Variants in MAFK observed in about 807,000 individuals in gnomAD.
MAFK encodes the protein MAF bZIP transcription factor K.
Under a neutral mutation model 9.2 loss-of-function variants are expected in MAFK, and 1 was observed. The observed-to-expected ratio is 0.11, with a 90% confidence interval of 0.04 to 0.52. MAFK has a LOEUF of 0.52. MAFK is among the 20% of genes least tolerant of loss of function. MAFK has a pLI of 0.94. For synonymous variants in MAFK, 110 were observed against 107.4 expected, an observed-to-expected ratio of 1.02 and a Z score of -0.15; for missense variants, 207 against 236.0, an observed-to-expected ratio of 0.88 and a Z score of 0.81.
At position 1,541,901 on chromosome 7, in the gene MAFK, G is replaced by A. The variant is rs1784201822; in HGVS notation, c.*1526G>A. The A allele has an allele frequency of 1.3e-5, 2 of 152,548 alleles. No homozygotes were observed. Among genetic ancestry groups the A allele is most frequent in the South Asian group, 2.1e-4 (1 of 4,838 alleles). 9.4% of individuals were successfully genotyped at this position (152,548 alleles called of 1,614,324 possible). ...GAATGTGAGCCGCCGGCCGGGGGCCGCCACATAAGACCTGCAAGGTGGTGC... is the reference window on the plus strand; with the variant it reads ...GAATGTGAGCCGCCGGCCGGGGGCCACCACATAAGACCTGCAAGGTGGTGC... On this transcript the variant is annotated 3_prime_UTR_variant, in exon 3 of 3. Coordinates refer to ENST00000343242, the MANE Select transcript of MAFK (RefSeq NM_002360.4).
chr7:1,539,827 G>A, intron 2 of MAFK, 114 bp from the exon 3 acceptor site: 1 of 939,112 alleles, frequency 1.1e-6, no homozygotes, highest in Non-Finnish European at 1.5e-6. Context: ...GCGAAGGCCA[G>A]CCCTGAGAGC....
Position 1,539,188 on chromosome 7 carries a change from G to A in MAFK, c.-5G>A, listed in dbSNP as rs541149262. The A allele has an allele frequency of 9.7e-4, 1,564 of 1,612,614 alleles. 24 individuals are homozygous for A. In the South Asian group the frequency reaches 0.016, roughly 16 times the overall value. On this transcript the variant is annotated 5_prime_UTR_variant, in exon 2 of 3. Coordinates refer to ENST00000343242, the MANE Select transcript of MAFK (RefSeq NM_002360.4). ...GAGCTCTGTCCTGGTGACCGTGCCC[G>A]GGTTATGACGACTAATCCCAAACCG...
At chr7:1,538,344 C>A in intron 1 of MAFK, 3 of 983,714 alleles carry the variant, frequency 3.0e-6, no homozygotes, top group Non-Finnish European at 3.6e-6. Flanking sequence ...CTGGCTGCGG[C>A]CCCCGGACCT....
In MAFK at chr7:1,540,652, G is replaced by C. The variant is rs891717407; in HGVS notation, c.*277G>C. 1 of 460,514 alleles carries C rather than the reference G, an allele frequency of 2.2e-6. No individual in the cohort carries two copies. The highest frequency in any genetic ancestry group is 3.9e-5 in the East Asian group (1 of 25,640). The allele number at this position is 460,514 out of a possible 1,614,324, so 28.5% of individuals were successfully genotyped here. On this transcript the variant is annotated 3_prime_UTR_variant, in exon 3 of 3. Coordinates refer to ENST00000343242, the MANE Select transcript of MAFK (RefSeq NM_002360.4). ...GTGTGGGAATTGGTATCTTGCACCC[G>C]TGGGAGTCGGGACATATAATGGAAA...
Position 1,538,936 on chromosome 7 carries a change from C to T in MAFK, c.-44-213C>T, listed in dbSNP as rs142042222. On this transcript the variant is annotated intron_variant, in intron 1 of 2. Transcript: ENST00000343242. ...AGGTGCAGCCAGACCTTTCCCTGAA[C>T]CCTCAGGCAGGGACAGAGGCCGGGC... 648 of 512,618 alleles carry T rather than the reference C, an allele frequency of 1.3e-3. 3 individuals are homozygous for T. The highest frequency in any genetic ancestry group is 1.8e-3 in the Non-Finnish European group (518 of 289,110). The allele number at this position is 512,618 out of a possible 1,614,324, so 31.8% of individuals were successfully genotyped here. A position where few individuals can be genotyped will look rare whatever the true frequency, so the allele number is the denominator to read the frequency against.
In MAFK at chr7:1,540,998, G is replaced by A. The variant is rs1048894473; in HGVS notation, c.*623G>A. ...CACGGTGTGGGAGGTCGCCTGCGTG[G>A]GGTGGTGTCTGTGTGTGTGCACGCA... is the stretch of plus-strand genomic sequence containing the variant. On this transcript the variant is annotated 3_prime_UTR_variant, in exon 3 of 3. Coordinates refer to ENST00000343242, the MANE Select transcript of MAFK (RefSeq NM_002360.4). The A allele has an allele frequency of 6.5e-6, 1 of 154,144 alleles. No individual in the cohort carries two copies. The highest frequency in any genetic ancestry group is 2.4e-5 in the African/African-American group (1 of 41,482). The allele number at this position is 154,144 out of a possible 1,614,324, so 9.5% of individuals were successfully genotyped here. A position where few individuals can be genotyped will look rare whatever the true frequency, so the allele number is the denominator to read the frequency against.
Position 1,539,947 on chromosome 7 carries a change from A to T in MAFK, c.43A>T (p.Lys15Ter). 6.5e-7 allele frequency: 1 copy of T among 1,528,240 alleles called. No homozygotes were observed. Among genetic ancestry groups the T allele is most frequent in the Non-Finnish European group, 8.8e-7 (1 of 1,132,876 alleles). 94.7% of individuals were successfully genotyped at this position (1,528,240 alleles called of 1,614,324 possible). Residue 15 changes from lysine (K) to a stop codon, truncating the protein, a stop_gained, in exon 3 of 3, where the codon AAG (lysine) becomes TAG (stop). Transcript: ENST00000343242. LOFTEE classifies it high-confidence loss of function. ...CCGCACTGTGGCCCCCCAGGTCAAG[A>T]AGGAGGCGGGCGAGAACGCCCCGGT... The part of the protein sequence containing the change: ...PKPNKALKVK[K>*]EAGENAPVLS...
At position 1,540,591 on chromosome 7, in the gene MAFK, C is replaced by CT; in HGVS notation, c.*216_*217insT. ...CTGCACGCCGGTCCACAGACACACT[C>CT]ACGCCCGCCACCTGCTCCCCGCAGG... On this transcript the variant is annotated 3_prime_UTR_variant, in exon 3 of 3. Coordinates refer to ENST00000343242, the MANE Select transcript of MAFK (RefSeq NM_002360.4). The CT allele has an allele frequency of 1.8e-6, 1 of 551,212 alleles. No individual in the cohort carries two copies. The highest frequency in any genetic ancestry group is 3.6e-5 in the Admixed American group (1 of 27,684). 34.1% of individuals were successfully genotyped at this position (551,212 alleles called of 1,614,324 possible).
At position 1,540,392 on chromosome 7, in the gene MAFK, GGGGTGGC is replaced by G. The variant is rs747183610; in HGVS notation, c.*21_*27del. 8.8e-6 allele frequency: 13 copies of G among 1,482,582 alleles called. 1 individual carries two copies. The South Asian group carries it at 9.5e-5, about 11-fold the overall frequency. 91.8% of individuals were successfully genotyped at this position (1,482,582 alleles called of 1,614,324 possible). A position where few individuals can be genotyped will look rare whatever the true frequency, so the allele number is the denominator to read the frequency against. On this transcript the variant is annotated 3_prime_UTR_variant, in exon 3 of 3. Coordinates refer to ENST00000343242, the MANE Select transcript of MAFK (RefSeq NM_002360.4). ...GCATCCTAGTGCCGGCCGGGGGCGG[GGGGTGGC>G]GGGCGGCGGGCGGCGGGCAGGCGGG...
At chr7:1,538,160 G>A (rs148974495) in intron 1 of MAFK, 6,325 of 576,660 alleles carry the variant, frequency 0.011, 49 homozygotes, top group Middle Eastern at 0.024. Flanking sequence ...TCCCAAGGTC[G>A]CCATGGCAAC....
chr7:1,538,309 G>A (rs986062182), intron 1 of MAFK: 11 of 985,514 alleles, frequency 1.1e-5, no homozygotes, highest in East Asian at 1.1e-4. Flanking sequence ...TCGGCAGGGC[G>A]GCGGCTCCCC....
At chr7:1,535,409 C>G (rs955228888) in intron 1 of MAFK, among the ~76,000 whole-genome samples, 2 of 152,220 alleles carry the variant, frequency 1.3e-5, no homozygotes, top group African/African-American at 4.8e-5. Context: ...AATCCCAGCA[C>G]TTTGGGAGAC....
At position 1,539,985 on chromosome 7, in the gene MAFK, T is replaced by A; in HGVS notation, c.81T>A (p.Asp27Glu). 1 of 1,553,484 alleles carries A rather than the reference T, an allele frequency of 6.4e-7. No individual in the cohort carries two copies. Among genetic ancestry groups the A allele is most frequent in the Non-Finnish European group, 8.7e-7 (1 of 1,147,804 alleles). The change falls in exon 3 of 3, where the codon GAT becomes GAA. Residue 27 changes from aspartate to glutamate, a missense_variant. Physicochemically the swap from Asp to Glu is conservative, Grantham distance 45. Coordinates refer to ENST00000343242, the MANE Select transcript of MAFK (RefSeq NM_002360.4). The stretch of plus-strand genomic sequence containing the variant: ...AGAACGCCCCGGTGCTCAGCGATGA[T>A]GAGCTGGTGTCCATGTCGGTGCGGG... The part of the protein sequence containing the change: ...AGENAPVLSD[D>E]ELVSMSVREL...
At chr7:1,531,219 G>A (rs1386454663) in intron 1 of MAFK, among the ~76,000 whole-genome samples, 1 of 149,958 alleles carries the variant, frequency 6.7e-6, no homozygotes, top group African/African-American at 2.4e-5. Flanking sequence ...GATCCACGCG[G>A]GTCGGCGGCG....
intron 1 of MAFK, chr7:1,533,952 G>C (rs1280711511): frequency 3.4e-6 from 1 of 293,208 alleles, no homozygotes; most frequent in Admixed American, 4.3e-5. Flanking sequence ...GGGGACTGGA[G>C]GGGGTGTGGT....
chr7:1,539,295 C>CG (rs1215420735), intron 2 of MAFK, 67 bp downstream of exon 2: 2 of 1,339,914 alleles, frequency 1.5e-6, no homozygotes, highest in Non-Finnish European at 2.1e-6. Context: ...GCCCGACAGC[C>CG]CCTGCTATCC....
At chr7:1,533,304 C>T (rs1228593058) in intron 1 of MAFK, among the ~76,000 whole-genome samples, 1 of 152,238 alleles carries the variant, frequency 6.6e-6, no homozygotes, top group Admixed American at 6.5e-5. Context: ...CGGCTCATCT[C>T]GTACAGCGGG....
At position 1,532,346 on chromosome 7, in the gene MAFK, G is replaced by A. The variant is rs553010122; in HGVS notation, c.-45+1448G>A. ...GGACACACCTACACCCTATTTGGGC[G>A]TCCAGTGCCATTTATGAGAACATCT... is the stretch of plus-strand genomic sequence containing the variant. On this transcript the variant is annotated intron_variant, in intron 1 of 2. Coordinates refer to ENST00000343242, the MANE Select transcript of MAFK (RefSeq NM_002360.4). This position sits in a 1 kb window ranked among gnomAD's most constrained non-coding sequence, Gnocchi z 4.5. Among the ~76,000 whole-genome samples, 19 of 152,352 alleles carry A rather than the reference G, an allele frequency of 1.2e-4. No individual in the cohort carries two copies. The highest frequency in any genetic ancestry group is 2.2e-4 in the African/African-American group (9 of 41,586).
intron 1 of MAFK, among the ~76,000 whole-genome samples, 153 bp from the exon 2 acceptor site, chr7:1,538,996 C>T (rs941147094): frequency 1.3e-5 from 2 of 152,174 alleles, no homozygotes; most frequent in Non-Finnish European, 1.5e-5. Flanking sequence ...CCCCTCAGGA[C>T]GGGCTGGGCC....
Sources: gnomAD v4.1 joint callset for allele counts (sites outside exome capture counted in the v4.1 genomes callset) on GRCh38, gnomAD v4.1.1 for gene constraint, Gnocchi (gnomAD v3.1) non-coding constraint, MANE v1.5 for transcripts, NCBI Gene and HGNC (gene_info 2026-07-23, HGNC 2026-07-21) for gene names.